PARM1: variants seen among roughly 807,000 people sequenced by gnomAD.
The protein encoded by PARM1 is prostate androgen-regulated mucin-like protein 1, also known as WSC4, cell wall integrity and stress response component 4 homolog.
In PARM1, 14 loss-of-function variants were observed where a neutral mutation model predicts 24.6. The observed-to-expected ratio is 0.57, with a 90% CI of 0.38 to 0.89. PARM1 has a LOEUF of 0.89. Ranked by LOEUF, PARM1 falls within the 40% of genes least tolerant of loss-of-function variation. The pLI is 0.00. For missense variants in PARM1, 362 were observed against 380.4 expected (o/e 0.95, Z 0.40); for synonymous variants, 179 against 156.6 (o/e 1.14, Z -1.07).
chr4:75,044,046 C>CAA (rs33982391), intron 3 of PARM1, among the ~76,000 whole-genome samples: 40,734 of 135,602 alleles, frequency 0.3, 5,895 homozygotes, highest in East Asian at 0.64. Flanking sequence ...TAGTTCTTTG[C>CAA]AAAAAAAAAA....
Position 74,933,303 on chromosome 4 carries a change from G to A in PARM1, c.-25G>A, listed in dbSNP as rs773405963. ...GCAAACTCCTTGCCGCCCGCCCCGGGCTGGGCACCAAATACCAGGCTACCA... is the reference window on the plus strand; with the variant it reads ...GCAAACTCCTTGCCGCCCGCCCCGGACTGGGCACCAAATACCAGGCTACCA... On this transcript the variant is annotated 5_prime_UTR_variant, in exon 1 of 4. Transcript: ENST00000307428. 3 of 1,607,100 alleles carry A rather than the reference G, an allele frequency of 1.9e-6. No homozygotes were observed. In the East Asian group the frequency reaches 6.8e-5, roughly 36 times the overall value.
chr4:74,934,660 C>G (rs1721138542), intron 1 of PARM1, among the ~76,000 whole-genome samples: 1 of 152,226 alleles, frequency 6.6e-6, no homozygotes, highest in Non-Finnish European at 1.5e-5. Context: ...CAGCCTCGGG[C>G]TGAGATGAGA....
At chr4:74,942,190 G>A (rs1450595495) in intron 1 of PARM1, among the ~76,000 whole-genome samples, 1 of 152,220 alleles carries the variant, frequency 6.6e-6, no homozygotes, top group Admixed American at 6.5e-5. Context: ...AGGTGCGTGA[G>A]AAAAGAAATG....
chr4:74,951,731 C>T (rs1721528988), intron 1 of PARM1, among the ~76,000 whole-genome samples: 1 of 152,140 alleles, frequency 6.6e-6, no homozygotes, highest in South Asian at 2.1e-4. Context: ...ATGATGACTT[C>T]CAGCTTCCTC....
At chr4:74,946,142 G>T (rs373136091) in intron 1 of PARM1, among the ~76,000 whole-genome samples, 94 of 152,238 alleles carry the variant, frequency 6.2e-4, no homozygotes, top group African/African-American at 2.1e-3. Flanking sequence ...CCATTTTGCC[G>T]TTCAGGTCAC....
intron 1 of PARM1, among the ~76,000 whole-genome samples, chr4:74,938,133 C>T (rs1228161624): frequency 6.6e-6 from 1 of 152,132 alleles, no homozygotes; most frequent in African/African-American, 2.4e-5. Flanking sequence ...TCAATAATTG[C>T]CGTATCTCTA....
chr4:74,990,303 G>A (rs973419074), intron 1 of PARM1, among the ~76,000 whole-genome samples: 1 of 152,154 alleles, frequency 6.6e-6, no homozygotes, highest in African/African-American at 2.4e-5. Flanking sequence ...CAAGGCCTGG[G>A]AGCAACTGCA....
chr4:74,973,616 A>G (rs895205381), intron 1 of PARM1, among the ~76,000 whole-genome samples: 3 of 152,120 alleles, frequency 2.0e-5, no homozygotes, highest in Admixed American at 6.6e-5. Context: ...GTCCTGAGGT[A>G]TCCTTCCCAG....
At chr4:75,016,597 T>C (rs1472863727) in intron 2 of PARM1, among the ~76,000 whole-genome samples, 1 of 152,130 alleles carries the variant, frequency 6.6e-6, no homozygotes. Flanking sequence ...TGCTTAGACC[T>C]GGTTTGACCT....
intron 1 of PARM1, 145 bp from the exon 2 acceptor site, chr4:75,012,280 G>T: frequency 1.3e-6 from 1 of 790,738 alleles, no homozygotes; most frequent in Non-Finnish European, 2.0e-6. Flanking sequence ...ATTAAAAGTT[G>T]CCTTCACAAC....
chr4:74,983,349 A>C (rs1722294520), intron 1 of PARM1, among the ~76,000 whole-genome samples: 4 of 152,190 alleles, frequency 2.6e-5, no homozygotes, highest in Admixed American at 2.6e-4. Context: ...TTTTAAATGT[A>C]TGCTTTTCTG....
chr4:75,024,357 T>C (rs530631143), intron 2 of PARM1, among the ~76,000 whole-genome samples: 12 of 152,278 alleles, frequency 7.9e-5, no homozygotes, highest in African/African-American at 2.6e-4. Context: ...CCTGAGTCCT[T>C]GGGACTGTAG....
At chr4:75,038,912 C>T (rs1312572653) in intron 3 of PARM1, among the ~76,000 whole-genome samples, 1 of 152,218 alleles carries the variant, frequency 6.6e-6, no homozygotes, top group Non-Finnish European at 1.5e-5. Context: ...GTGACCCAGA[C>T]AGACTACATG....
At position 74,985,647 on chromosome 4, in the gene PARM1, T is replaced by G. The variant is rs189536149; in HGVS notation, c.44-26778T>G. On this transcript the variant is annotated intron_variant, in intron 1 of 3. Coordinates refer to ENST00000307428, the MANE Select transcript of PARM1 (RefSeq NM_015393.4). ...AGCAGTGATTTAACCCTACTCTGTC[T>G]GAATGCAGGGCCCAAACAACATACA... Among the ~76,000 whole-genome samples the G allele has an allele frequency of 2.9e-3, 444 of 152,324 alleles. 2 individuals carry two copies. The highest frequency in any genetic ancestry group is 4.5e-3 in the Non-Finnish European group (303 of 68,024).
intron 1 of PARM1, among the ~76,000 whole-genome samples, chr4:74,944,418 G>A (rs1206940888): frequency 6.6e-5 from 10 of 152,108 alleles, no homozygotes; most frequent in Non-Finnish European, 1.3e-4. Context: ...CCATCTTGAC[G>A]TCAGCAGCCT....
At chr4:74,936,866 G>A (rs188683289) in intron 1 of PARM1, among the ~76,000 whole-genome samples, 1 of 152,246 alleles carries the variant, frequency 6.6e-6, no homozygotes, top group East Asian at 1.9e-4. Flanking sequence ...CAAAAAGGAA[G>A]GACACTAGGT....
intron 1 of PARM1, among the ~76,000 whole-genome samples, chr4:74,944,248 C>T (rs868023490): frequency 6.6e-6 from 1 of 152,224 alleles, no homozygotes; most frequent in South Asian, 2.1e-4. Context: ...GCTTGCCTTG[C>T]AGCCTTAGCA....
intron 3 of PARM1, among the ~76,000 whole-genome samples, chr4:75,045,815 C>T (rs1027013222): frequency 6.6e-6 from 1 of 152,212 alleles, no homozygotes; most frequent in African/African-American, 2.4e-5. Context: ...GAACCTAAGT[C>T]AGAATGTTAG....
intron 1 of PARM1, among the ~76,000 whole-genome samples, chr4:74,939,093 A>T (rs1179654009): frequency 6.6e-6 from 1 of 152,168 alleles, no homozygotes; most frequent in Non-Finnish European, 1.5e-5. Context: ...TTAAATTCAG[A>T]TTCAACTGGT....
Sources: allele counts gnomAD v4.1 joint callset (sites outside exome capture counted in the v4.1 genomes callset), GRCh38; gene constraint gnomAD v4.1.1; transcripts MANE v1.5; gene names NCBI Gene and HGNC (gene_info 2026-07-23, HGNC 2026-07-21).